Variants in PITPNC1 observed in about 807,000 individuals in gnomAD.
The protein encoded by PITPNC1 is phosphatidylinositol transfer protein cytoplasmic 1.
Under a neutral mutation model 44.7 loss-of-function variants are expected in PITPNC1, and 18 were observed. That is an observed-to-expected ratio of 0.40 (90% CI 0.28 to 0.60). PITPNC1 has a LOEUF of 0.60. PITPNC1 is among the 20% of genes least tolerant of loss of function. PITPNC1 has a pLI of 0.39. For synonymous variants in PITPNC1, 141 were observed against 149.6 expected (o/e 0.94, Z 0.42); for missense variants, 290 against 418.4 (o/e 0.69, Z 2.68).
At chr17:67,519,047 G>T (rs1288751439) in intron 1 of PITPNC1, among the ~76,000 whole-genome samples, 2 of 152,066 alleles carry the variant, frequency 1.3e-5, no homozygotes, top group Non-Finnish European at 2.9e-5. Flanking sequence ...CAGTTTGGTG[G>T]TTACTCAAAA....
intron 1 of PITPNC1, among the ~76,000 whole-genome samples, chr17:67,395,617 T>G (rs990489481): frequency 6.6e-6 from 1 of 152,212 alleles, no homozygotes; most frequent in South Asian, 2.1e-4. Flanking sequence ...ATAACAGTGA[T>G]GCTGGTGCTG....
chr17:67,532,061 C>G (rs1292634761), intron 1 of PITPNC1, among the ~76,000 whole-genome samples: 1 of 152,120 alleles, frequency 6.6e-6, no homozygotes, highest in Non-Finnish European at 1.5e-5. Flanking sequence ...GTATGTTGCT[C>G]CACATGATTA....
chr17:67,499,220 T>A (rs778064225), intron 1 of PITPNC1, among the ~76,000 whole-genome samples: 4 of 151,814 alleles, frequency 2.6e-5, no homozygotes, highest in Non-Finnish European at 5.9e-5. Context: ...TTGCCCGTTT[T>A]TATTTATTTT....
chr17:67,400,297 G>A (rs1190958886), intron 1 of PITPNC1, among the ~76,000 whole-genome samples: 2 of 152,132 alleles, frequency 1.3e-5, no homozygotes. Context: ...GCTATAAATT[G>A]CTACTTTAAA....
rs748194801 is a variant in PITPNC1, at chr17:67,692,827, C to T, written c.938C>T (p.Ala313Val). The change falls in exon 9 of 9, where the codon GCC (alanine) becomes GTC (valine). Residue 313 changes from alanine (A) to valine (V), a missense_variant. By Grantham distance (64) the Ala-to-Val change is moderately conservative (BLOSUM62 0). Transcript: ENST00000581322. ...ACACTTCCAGACCCTGAGAAAAAAG[C>T]CACCCTGAATTTACCCGGCATGCAC... Reference protein sequence around the residue: ...TLTLPDPEKKATLNLPGMHSS... With the variant: ...TLTLPDPEKKVTLNLPGMHSS... The T allele has an allele frequency of 8.1e-6, 13 of 1,613,750 alleles. No individual in the cohort carries two copies. The East Asian group carries it at 2.7e-4, about 33-fold the overall frequency.
rs1370190915 is a variant in PITPNC1, at chr17:67,425,203, G to GCGCGCGCGCA, written c.48+47002_48+47003insGCGCGCGCAC. ...CCATGTTGTGCGCGCGCACGCACAC[G>GCGCGCGCGCA]CACACACACACACACACACACACAC... is the stretch of plus-strand genomic sequence containing the variant. On this transcript the variant is annotated intron_variant, in intron 1 of 8. Coordinates refer to ENST00000581322, the MANE Select transcript of PITPNC1 (RefSeq NM_012417.4). Among the ~76,000 whole-genome samples, 38 of 98,822 alleles carry GCGCGCGCGCA rather than the reference G, an allele frequency of 3.8e-4. 1 individual carries two copies. The highest frequency in any genetic ancestry group is 5.3e-3 in the Middle Eastern group (1 of 190). The allele number at this position is 98,822 out of a possible 152,430, so 64.8% of individuals were successfully genotyped here. A position where few individuals can be genotyped will look rare whatever the true frequency, so the allele number is the denominator to read the frequency against.
At chr17:67,503,144 T>G (rs965280153) in intron 1 of PITPNC1, among the ~76,000 whole-genome samples, 1 of 152,058 alleles carries the variant, frequency 6.6e-6, no homozygotes, top group Admixed American at 6.6e-5. Flanking sequence ...ACATATTTGT[T>G]GTGTAGAGTT....
chr17:67,656,443 A>C (rs1292075030), intron 6 of PITPNC1, among the ~76,000 whole-genome samples: 1 of 152,126 alleles, frequency 6.6e-6, no homozygotes, highest in African/African-American at 2.4e-5. Context: ...CCTCCCACTT[A>C]ATCCAGCATG....
At chr17:67,399,482 T>A (rs1253518186) in intron 1 of PITPNC1, among the ~76,000 whole-genome samples, 2 of 152,156 alleles carry the variant, frequency 1.3e-5, no homozygotes, top group Non-Finnish European at 2.9e-5. Flanking sequence ...ATGTTGAGAG[T>A]TGTCTCCGCT....
intron 1 of PITPNC1, among the ~76,000 whole-genome samples, chr17:67,473,154 G>A (rs926528051): frequency 1.3e-5 from 2 of 152,106 alleles, no homozygotes; most frequent in Admixed American, 6.5e-5. Context: ...GGGAATACAG[G>A]TGTGAGCCAC....
At chr17:67,550,538 A>G (rs2040746713) in intron 2 of PITPNC1, among the ~76,000 whole-genome samples, 1 of 151,846 alleles carries the variant, frequency 6.6e-6, no homozygotes, top group Admixed American at 6.6e-5. Context: ...TGTTAGCTCC[A>G]TGTCCCTTCC....
intron 1 of PITPNC1, among the ~76,000 whole-genome samples, chr17:67,511,572 G>A (rs746922435): frequency 6.6e-6 from 1 of 152,070 alleles, no homozygotes; most frequent in African/African-American, 2.4e-5. Context: ...GCAGTGGTGC[G>A]ATCTCAGCTC....
At chr17:67,393,619 A>T (rs1000067479) in intron 1 of PITPNC1, among the ~76,000 whole-genome samples, 6 of 152,180 alleles carry the variant, frequency 3.9e-5, no homozygotes, top group Admixed American at 6.6e-5. Context: ...AATACTTGGC[A>T]ATTTTAATTT....
In PITPNC1 at chr17:67,692,691, G is replaced by A. The variant is rs780864654; in HGVS notation, c.802G>A (p.Val268Ile). The A allele has an allele frequency of 2.4e-5, 38 of 1,613,584 alleles. No individual in the cohort carries two copies. In the East Asian group the frequency reaches 4.0e-4, roughly 17 times the overall value. ...CAGCATCCCCCTGCTGCCTTCTTCCGTCCGCAGTGCGCCTTCTAGTGCTCC... is the reference window on the plus strand; with the variant it reads ...CAGCATCCCCCTGCTGCCTTCTTCCATCCGCAGTGCGCCTTCTAGTGCTCC... ...ISSIPLLPSS[V>I]RSAPSSAPST... is the part of the protein sequence containing the mutation. Residue 268 changes from valine to isoleucine, a missense_variant, in exon 9 of 9, where the codon GTC becomes ATC. Transcript: ENST00000581322.
chr17:67,581,568 G>C (rs2041234362), intron 5 of PITPNC1, among the ~76,000 whole-genome samples: 1 of 152,136 alleles, frequency 6.6e-6, no homozygotes, highest in South Asian at 2.1e-4. Flanking sequence ...CTGCCCCCCA[G>C]GCTCTGCTTG....
At chr17:67,619,531 A>G (rs2041803308) in intron 5 of PITPNC1, among the ~76,000 whole-genome samples, 2 of 152,070 alleles carry the variant, frequency 1.3e-5, no homozygotes, top group South Asian at 4.2e-4. Context: ...CAGGGGCTCA[A>G]CATCCCTCTC....
chr17:67,615,888 G>A (rs2041751547), intron 5 of PITPNC1, among the ~76,000 whole-genome samples: 1 of 152,090 alleles, frequency 6.6e-6, no homozygotes, highest in Non-Finnish European at 1.5e-5. Flanking sequence ...TGAAGTGTTG[G>A]CCTAGACTCC....
intron 5 of PITPNC1, among the ~76,000 whole-genome samples, chr17:67,630,077 C>T (rs962412564): frequency 3.9e-5 from 6 of 152,180 alleles, no homozygotes; most frequent in African/African-American, 7.2e-5. Flanking sequence ...AGAATCCAAC[C>T]GAGATGAGTT....
At position 67,694,538 on chromosome 17, in the gene PITPNC1, C is replaced by T. The variant is rs1320614912; in HGVS notation, c.*1650C>T. 1.3e-5 allele frequency: 2 copies of T among 152,196 alleles called. No individual in the cohort carries two copies. The highest frequency in any genetic ancestry group is 2.9e-5 in the Non-Finnish European group (2 of 68,056). The allele number at this position is 152,196 out of a possible 1,614,324, so 9.4% of individuals were successfully genotyped here. ...TCTCCCAAGGTGCAGGCGCTGGCCCCATGAGCCCAGCACCAAAGTTTTCTA... is the reference window on the plus strand; with the variant it reads ...TCTCCCAAGGTGCAGGCGCTGGCCCTATGAGCCCAGCACCAAAGTTTTCTA... On this transcript the variant is annotated 3_prime_UTR_variant, in exon 9 of 9. Transcript: ENST00000581322.
Sources: allele counts gnomAD v4.1 joint callset (sites outside exome capture counted in the v4.1 genomes callset), GRCh38; gene constraint gnomAD v4.1.1; transcripts MANE v1.5; gene names NCBI Gene and HGNC (gene_info 2026-07-23, HGNC 2026-07-21).